The following CIT variants were observed in gnomAD, a reference collection of about 807,000 sequenced individuals.
CIT encodes the protein citron rho-interacting serine/threonine kinase.
A neutral mutation model predicts 272.7 loss-of-function variants in CIT; 79 were observed. The ratio of observed to expected loss-of-function variants is 0.29; its 90% CI spans 0.24 to 0.35. CIT has a LOEUF of 0.35. Among genes scored for constraint, CIT ranks in the 10% least tolerant of loss-of-function variants. The pLI is 1.00. For synonymous variants in CIT, 948 were observed against 995.6 expected (o/e 0.95, Z 0.90); for missense variants, 1,909 against 2,618.3 (o/e 0.73, Z 5.91).
At position 119,761,210 on chromosome 12, in the gene CIT, G is replaced by A. The variant is rs76924716; in HGVS notation, c.2305-155C>T. Among the ~76,000 whole-genome samples the A allele has an allele frequency of 0.058, 8,777 of 152,202 alleles. 399 individuals carry two copies. Among genetic ancestry groups the A allele is most frequent in the African/African-American group, 0.13 (5,233 of 41,502 alleles). ...GGGGCAAAGAGAAGGCAAAAACTGG[G>A]AGTCCGCTTATCAATCAGGATAAGA... On this transcript the variant is annotated intron_variant, in intron 19 of 47. Coordinates refer to ENST00000392521, the MANE Select transcript of CIT (RefSeq NM_001206999.2).
intron 7 of CIT, 129 bp from the exon 8 acceptor site, chr12:119,825,497 G>T: frequency 2.7e-6 from 2 of 740,212 alleles, no homozygotes; most frequent in Non-Finnish European, 4.4e-6. Context: ...TAAACCAGCT[G>T]TCAAGTGGCA....
chr12:119,823,523 T>C (rs1967900027), intron 8 of CIT, among the ~76,000 whole-genome samples: 1 of 152,024 alleles, frequency 6.6e-6, no homozygotes, highest in Non-Finnish European at 1.5e-5. Flanking sequence ...ATTGAATGAG[T>C]GAGTGAGCTA....
At chr12:119,688,939 T>C (rs961914628) in intron 47 of CIT, among the ~76,000 whole-genome samples, 7 of 145,246 alleles carry the variant, frequency 4.8e-5, no homozygotes, top group Non-Finnish European at 7.4e-5. Context: ...GGTGGGAGGA[T>C]TGCTTGAGCC....
chr12:119,768,023 T>C lies in CIT; in HGVS notation c.2209-841A>G, dbSNP rs1310115133. Among the ~76,000 whole-genome samples the C allele has an allele frequency of 6.6e-6, 1 of 151,936 alleles. No homozygotes were observed. The highest frequency in any genetic ancestry group is 2.4e-5 in the African/African-American group (1 of 41,356). On this transcript the variant is annotated intron_variant, in intron 18 of 47. Coordinates refer to ENST00000392521, the MANE Select transcript of CIT (RefSeq NM_001206999.2). The surrounding 1 kb of genome is among the most constrained non-coding windows in gnomAD (Gnocchi z 4.3). ...ACCTCCCAGGTTCAAGCAATTCTCA[T>C]GTCTCAGTCTCCCAAGTAGCTGGGA...
At chr12:119,852,929 T>C (rs561603898) in intron 4 of CIT, among the ~76,000 whole-genome samples, 1 of 152,184 alleles carries the variant, frequency 6.6e-6, no homozygotes, top group South Asian at 2.1e-4. Context: ...AAAAAAGTTG[T>C]TTATACTGTA....
At chr12:119,757,617 T>C in intron 21 of CIT, 72 bp from the exon 22 acceptor site, 2 of 1,578,370 alleles carry the variant, frequency 1.3e-6, no homozygotes, top group Admixed American at 1.7e-5. Context: ...CCACGGGAGG[T>C]AGACGGACAC....
intron 26 of CIT, 137 bp downstream of exon 26, chr12:119,734,027 G>C: frequency 2.2e-6 from 2 of 915,114 alleles, no homozygotes; most frequent in Non-Finnish European, 3.3e-6. Flanking sequence ...GAGTCTCCTG[G>C]TTTTTAGCAC....
At chr12:119,723,069 C>T (rs972321942) in intron 28 of CIT, among the ~76,000 whole-genome samples, 3 of 98,830 alleles carry the variant, frequency 3.0e-5, no homozygotes, top group African/African-American at 8.9e-5. Context: ...AAAATAAAAA[C>T]GAAAATTTAA....
At chr12:119,840,785 G>T (rs760081688) in intron 5 of CIT, among the ~76,000 whole-genome samples, 13 of 152,178 alleles carry the variant, frequency 8.5e-5, no homozygotes, top group South Asian at 2.1e-4. Context: ...TGAAAAATCA[G>T]ATAATCTTAG....
intron 23 of CIT, among the ~76,000 whole-genome samples, chr12:119,745,400 A>AAAAAAAAAAAAAAC (rs1555231402): frequency 7.0e-6 from 1 of 143,662 alleles, no homozygotes; most frequent in African/African-American, 2.6e-5. Context: ...AAAAAAAAAC[A>AAAAAAAAAAAAAAC]CCTGTCCACA....
At chr12:119,779,098 T>C (rs1964055758) in intron 13 of CIT, among the ~76,000 whole-genome samples, 2 of 152,100 alleles carry the variant, frequency 1.3e-5, no homozygotes, top group Non-Finnish European at 2.9e-5. Flanking sequence ...TGAGCACCTG[T>C]AATCCCAGCT....
At position 119,822,825 on chromosome 12, in the gene CIT, C is replaced by A. The variant is rs200303267; in HGVS notation, c.1106G>T (p.Arg369Leu). 6 of 1,614,010 alleles carry A rather than the reference C, an allele frequency of 3.7e-6. No individual in the cohort carries two copies. In the East Asian group the frequency reaches 1.3e-4, roughly 36 times the overall value. The stretch of plus-strand genomic sequence containing the variant: ...AGGAAAACAGCCCTACTTACAGTTA[C>A]GAATGTTGTTCCAGTCAATTTTAGA... ...FFSKIDWNNIRNSPPPFVPTL... is the reference protein window; with the variant it reads ...FFSKIDWNNILNSPPPFVPTL... The change falls in exon 9 of 48, where the codon CGT becomes CTT. Residue 369 changes from arginine (R) to leucine (L), a missense_variant. By Grantham distance (102) the Arg-to-Leu change is moderately radical. Around this residue, in one of 8 missense-constraint regions of CIT, gnomAD observed 529 missense variants for 549.6 expected, o/e 0.96. Transcript: ENST00000392521.
At chr12:119,841,672 C>G (rs1969421083) in intron 5 of CIT, among the ~76,000 whole-genome samples, 1 of 152,198 alleles carries the variant, frequency 6.6e-6, no homozygotes, top group Admixed American at 6.5e-5. Context: ...AATGATGTGT[C>G]CAACTTCCGC....
intron 19 of CIT, among the ~76,000 whole-genome samples, chr12:119,764,190 A>C (rs1962144690): frequency 6.6e-6 from 1 of 152,228 alleles, no homozygotes; most frequent in South Asian, 2.1e-4. Context: ...ATAATTCTCC[A>C]AGGAAAATAA....
At chr12:119,866,479 C>T (rs554404251) in intron 3 of CIT, among the ~76,000 whole-genome samples, 15 of 152,154 alleles carry the variant, frequency 9.9e-5, no homozygotes, top group African/African-American at 3.4e-4. Context: ...CAAACAGGAA[C>T]TATTTTGGGC....
At chr12:119,702,630 TG>T (rs1405567624) in intron 41 of CIT, among the ~76,000 whole-genome samples, 1 of 151,680 alleles carries the variant, frequency 6.6e-6, no homozygotes. Flanking sequence ...GAGGTTGCAG[TG>T]GGCTGAGATA....
At chr12:119,733,922 G>T (rs1318250108) in intron 26 of CIT, among the ~76,000 whole-genome samples, 2 of 152,098 alleles carry the variant, frequency 1.3e-5, no homozygotes, top group African/African-American at 4.8e-5. Flanking sequence ...CCAGGCCTCT[G>T]CATGGGGAAA....
At chr12:119,772,372 C>T (rs937153106) in intron 17 of CIT, among the ~76,000 whole-genome samples, 2 of 151,912 alleles carry the variant, frequency 1.3e-5, no homozygotes, top group Non-Finnish European at 2.9e-5. Flanking sequence ...GAGTCATTGA[C>T]GCGCAGGTAA....
In CIT at chr12:119,804,365, C is replaced by T. The variant is rs1047872668; in HGVS notation, c.1112-976G>A. 1.0e-6 allele frequency: 1 copy of T among 985,536 alleles called. No homozygotes were observed. The highest frequency in any genetic ancestry group is 1.2e-6 in the Non-Finnish European group (1 of 830,014). 61.0% of individuals were successfully genotyped at this position (985,536 alleles called of 1,614,324 possible). The stretch of plus-strand genomic sequence containing the variant: ...AGGCGTCCGTGGCGGGCCAGCCAGG[C>T]GAGTTAGAGCCGAGCATCACATCCC... On this transcript the variant is annotated intron_variant, in intron 9 of 47. Transcript: ENST00000392521. The surrounding 1 kb of genome is among the most constrained non-coding windows in gnomAD (Gnocchi z 5.3).
Sources: gnomAD v4.1 joint callset for allele counts (sites outside exome capture counted in the v4.1 genomes callset) on GRCh38, gnomAD v4.1.1 for gene constraint, gnomAD v4.1.1 regional missense constraint, Gnocchi (gnomAD v3.1) non-coding constraint, MANE v1.5 for transcripts, NCBI Gene and HGNC (gene_info 2026-07-23, HGNC 2026-07-21) for gene names.